The following TUBB4A variants were observed in gnomAD, a reference collection of about 807,000 sequenced individuals.
The protein encoded by TUBB4A is tubulin beta 4A class IVa, also known as tubulin beta-4A chain.
In TUBB4A, 13 loss-of-function variants were observed where a neutral mutation model predicts 35.1. That is an observed-to-expected ratio of 0.37 (90% confidence interval 0.24 to 0.59). The LOEUF (loss-of-function observed/expected upper bound fraction) is 0.59. Among genes scored for constraint, TUBB4A ranks in the 20% least tolerant of loss-of-function variants. The pLI, the probability that TUBB4A is intolerant of heterozygous loss-of-function variation, is 0.71. For missense variants in TUBB4A, 299 were observed against 647.2 expected, an observed-to-expected ratio of 0.46 and a Z score of 5.84; for synonymous variants, 279 against 272.4, an observed-to-expected ratio of 1.02 and a Z score of -0.24.
upstream of TUBB4A, chr19:6,502,622 C>T (rs1429515856): frequency 1.1e-5 from 2 of 189,560 alleles, no homozygotes; most frequent in Non-Finnish European, 2.1e-5. Flanking sequence ...GGTAAACAGG[C>T]ATCTGAGAAG....
chr19:6,500,258 A>G (rs1385189329), intron 3 of TUBB4A, among the ~76,000 whole-genome samples: 2 of 152,110 alleles, frequency 1.3e-5, no homozygotes, highest in African/African-American at 4.8e-5. Context: ...CCTCACGAGT[A>G]GCTGTGACTA....
Position 6,502,137 on chromosome 19 carries a change from G to A in TUBB4A, c.57+19C>T, listed in dbSNP as rs778788335. ...CCCCGGGGCCGCCACTGCCTCCCCG[G>A]GCCCCGTTCCCCGAGCACCTTGGCC... On this transcript the variant is annotated intron_variant, in intron 1 of 3. Transcript: ENST00000264071. The A allele has an allele frequency of 1.2e-5, 18 of 1,556,368 alleles. No individual in the cohort carries two copies. Among genetic ancestry groups the A allele is most frequent in the Non-Finnish European group, 1.5e-5 (17 of 1,160,120 alleles).
chr19:6,501,454 G>A lies in TUBB4A; in HGVS notation c.167-57C>T. The A allele has an allele frequency of 1.2e-6, 2 of 1,601,160 alleles. No individual in the cohort carries two copies. The highest frequency in any genetic ancestry group is 2.2e-5 in the East Asian group (1 of 44,718). ...GCGTGCCAGGAACCACAGGCGCCCG[G>A]TAGCATCCTGTTCCCTCCCAGCTGC... On this transcript the variant is annotated intron_variant, in intron 2 of 3. Transcript: ENST00000264071. This position sits in a 1 kb window ranked among gnomAD's most constrained non-coding sequence, Gnocchi z 4.2.
At chr19:6,497,702 G>A (rs576738921) in intron 3 of TUBB4A, among the ~76,000 whole-genome samples, 28 of 152,008 alleles carry the variant, frequency 1.8e-4, no homozygotes, top group African/African-American at 6.7e-4. Flanking sequence ...GGGAGGCCGA[G>A]GCGGGCAGAT....
intron 3 of TUBB4A, among the ~76,000 whole-genome samples, chr19:6,498,136 A>G (rs1599410702): frequency 7.6e-6 from 1 of 132,062 alleles, no homozygotes; most frequent in Non-Finnish European, 1.6e-5. Flanking sequence ...GCGTGAACCC[A>G]GGAGGTGGAG....
intron 3 of TUBB4A, 118 bp from the exon 4 acceptor site, chr19:6,496,339 A>G: frequency 9.7e-7 from 1 of 1,029,926 alleles, no homozygotes; most frequent in Non-Finnish European, 1.4e-6. Flanking sequence ...ATCAAAAATA[A>G]TAACAAATAG....
rs1028448981 is a variant in TUBB4A, at chr19:6,495,061, C to G, written c.*103G>C. The G allele has an allele frequency of 7.1e-7, 1 of 1,402,556 alleles. No individual in the cohort carries two copies. The highest frequency in any genetic ancestry group is 2.4e-5 in the East Asian group (1 of 41,582). The allele number at this position is 1,402,556 out of a possible 1,614,324, so 86.9% of individuals were successfully genotyped here. A position where few individuals can be genotyped will look rare whatever the true frequency, so the allele number is the denominator to read the frequency against. ...GGTATTGTTAGGGTCAGCGGGGAGT[C>G]AGCCTTGGAGGGAAAGCGGGGCTCT... On this transcript the variant is annotated 3_prime_UTR_variant, in exon 4 of 4. Transcript: ENST00000264071. This position sits in a 1 kb window ranked among gnomAD's most constrained non-coding sequence, Gnocchi z 8.7.
intron 1 of TUBB4A, 22 bp downstream of exon 1, chr19:6,502,134 C>G (rs1914564015): frequency 6.4e-7 from 1 of 1,553,534 alleles, no homozygotes; most frequent in Non-Finnish European, 8.6e-7. Flanking sequence ...CACTGCCTCC[C>G]CGGGCCCCGT....
intron 3 of TUBB4A, among the ~76,000 whole-genome samples, chr19:6,498,327 C>A (rs1255901208): frequency 6.6e-6 from 1 of 152,174 alleles, no homozygotes; most frequent in South Asian, 2.1e-4. Flanking sequence ...CATCACCCTC[C>A]TGGATAAGTT....
At chr19:6,500,154 G>A (rs1202173983) in intron 3 of TUBB4A, among the ~76,000 whole-genome samples, 1 of 151,918 alleles carries the variant, frequency 6.6e-6, no homozygotes, top group Non-Finnish European at 1.5e-5. Context: ...TTAGAGATGG[G>A]GTCTCACACC....
At chr19:6,497,024 AATATATATATATATATAT>A (rs1192524805) in intron 3 of TUBB4A, among the ~76,000 whole-genome samples, 368 of 22,002 alleles carry the variant, frequency 0.017, 13 homozygotes, top group Middle Eastern at 0.071. Context: ...AAAAAAAAAA[AATATATATATATATATAT>A]ATATATATAT....
intron 3 of TUBB4A, among the ~76,000 whole-genome samples, chr19:6,497,898 CA>C (rs1179837262): frequency 1.6e-3 from 69 of 42,250 alleles, no homozygotes; most frequent in African/African-American, 4.3e-3. Context: ...GACTCCGTCT[CA>C]AAAAAAAAAA....
At position 6,494,863 on chromosome 19, in the gene TUBB4A, T is replaced by G; in HGVS notation, c.*301A>C. ...TCAAAGGTGAAGCAGAAGTCAGGGG[T>G]GAAGGAAGGTCTGCAAAGTTAAAGG... On this transcript the variant is annotated 3_prime_UTR_variant, in exon 4 of 4. Coordinates refer to ENST00000264071, the MANE Select transcript of TUBB4A (RefSeq NM_006087.4). 2.0e-6 allele frequency: 1 copy of G among 492,074 alleles called. No homozygotes were observed. Among genetic ancestry groups the G allele is most frequent in the Non-Finnish European group, 3.7e-6 (1 of 271,644 alleles). 30.5% of individuals were successfully genotyped at this position (492,074 alleles called of 1,614,324 possible).
In TUBB4A at chr19:6,502,177, G is replaced by C. The variant is rs754780863; in HGVS notation, c.36C>G (p.Cys12Trp). 1 of 1,575,982 alleles carries C rather than the reference G, an allele frequency of 6.3e-7. No individual in the cohort carries two copies. Among genetic ancestry groups the C allele is most frequent in the Non-Finnish European group, 8.6e-7 (1 of 1,169,078 alleles). ...GCACCTTGGCCCCGATCTGGTTGCC[G>C]CACTGGCCGGCCTGCAGGTGCACGA... ...REIVHLQAGQ[C>W]GNQIGAKFWE... The change falls in exon 1 of 4, where the codon TGC becomes TGG. Residue 12 changes from cysteine (C) to tryptophan (W), a missense_variant. Transcript: ENST00000264071.
Position 6,501,088 on chromosome 19 carries a change from CCTT to C in TUBB4A, c.277+196_277+198del. The C allele has an allele frequency of 1.8e-6, 1 of 550,994 alleles. No individual in the cohort carries two copies. The highest frequency in any genetic ancestry group is 3.2e-6 in the Non-Finnish European group (1 of 311,228). 34.1% of individuals were successfully genotyped at this position (550,994 alleles called of 1,614,324 possible). ...CTCCTCCAGGAAGACTTCCCTGAAT[CCTT>C]CTCTGTATCCGCCCTCCTCAGGGCT... On this transcript the variant is annotated intron_variant, in intron 3 of 3. Coordinates refer to ENST00000264071, the MANE Select transcript of TUBB4A (RefSeq NM_006087.4). The surrounding 1 kb of genome is among the most constrained non-coding windows in gnomAD (Gnocchi z 4.2).
chr19:6,495,542 G>A lies in TUBB4A; in HGVS notation c.957C>T (p.Gly319=). The A allele has an allele frequency of 1.9e-6, 3 of 1,614,152 alleles. No homozygotes were observed. The highest frequency in any genetic ancestry group is 2.5e-6 in the Non-Finnish European group (3 of 1,180,008). ...CGTCCACCTCCTTCATGGACATGCGGCCCCGGAACACGGCGGCCACGGTCA... is the reference window on the plus strand; with the variant it reads ...CGTCCACCTCCTTCATGGACATGCGACCCCGGAACACGGCGGCCACGGTCA... The part of the protein sequence containing the change: ...RYLTVAAVFR[G]RMSMKEVDEQ... Residue 319 remains glycine (G), a synonymous_variant, in exon 4 of 4, where the codon GGC becomes GGT. Coordinates refer to ENST00000264071, the MANE Select transcript of TUBB4A (RefSeq NM_006087.4). The surrounding 1 kb of genome is among the most constrained non-coding windows in gnomAD (Gnocchi z 8.7).
rs1349868252 is a variant in TUBB4A at position 6,495,305 on chromosome 19, G to A, written c.1194C>T (p.Tyr398=). Residue 398 remains tyrosine, a synonymous_variant, in exon 4 of 4, where the codon TAC becomes TAT. Coordinates refer to ENST00000264071, the MANE Select transcript of TUBB4A (RefSeq NM_006087.4). This position sits in a 1 kb window ranked among gnomAD's most constrained non-coding sequence, Gnocchi z 8.7. ...MFRRKAFLHW[Y]TGEGMDEMEF... is the part of the protein sequence containing the mutation. ...CCATCTCGTCCATGCCCTCGCCCGTGTACCAGTGCAAGAAGGCCTTGCGCC... is the reference window on the plus strand; with the variant it reads ...CCATCTCGTCCATGCCCTCGCCCGTATACCAGTGCAAGAAGGCCTTGCGCC... The A allele has an allele frequency of 6.2e-7, 1 of 1,613,664 alleles. No homozygotes were observed. Among genetic ancestry groups the A allele is most frequent in the Non-Finnish European group, 8.5e-7 (1 of 1,179,906 alleles).
Position 6,501,089 on chromosome 19 carries a change from C to A in TUBB4A, c.277+198G>T, listed in dbSNP as rs942235121. On this transcript the variant is annotated intron_variant, in intron 3 of 3. Transcript: ENST00000264071. The surrounding 1 kb of genome is among the most constrained non-coding windows in gnomAD (Gnocchi z 4.2). The stretch of plus-strand genomic sequence containing the variant: ...TCCTCCAGGAAGACTTCCCTGAATC[C>A]TTCTCTGTATCCGCCCTCCTCAGGG... 2.9e-5 allele frequency: 16 copies of A among 550,284 alleles called. No individual in the cohort carries two copies. The highest frequency in any genetic ancestry group is 4.8e-5 in the Non-Finnish European group (15 of 310,946). The allele number at this position is 550,284 out of a possible 1,614,324, so 34.1% of individuals were successfully genotyped here.
In TUBB4A at chr19:6,496,089, T is replaced by G; in HGVS notation, c.410A>C (p.His137Pro). 4 of 1,614,008 alleles carry G rather than the reference T, an allele frequency of 2.5e-6. No homozygotes were observed. Among genetic ancestry groups the G allele is most frequent in the Non-Finnish European group, 3.4e-6 (4 of 1,180,004 alleles). The change falls in exon 4 of 4, where the codon CAC becomes CCC. Residue 137 changes from histidine (H) to proline (P), a missense_variant. His to Pro is a moderately conservative substitution (Grantham distance 77). Coordinates refer to ENST00000264071, the MANE Select transcript of TUBB4A (RefSeq NM_006087.4). Reference protein sequence around the residue: ...CDCLQGFQLTHSLGGGTGSGM... With the variant: ...CDCLQGFQLTPSLGGGTGSGM... ...GGACCCCGTGCCACCCCCCAGCGAGTGGGTCAGCTGGAAGCCCTGAAGGCA... is the reference window on the plus strand; with the variant it reads ...GGACCCCGTGCCACCCCCCAGCGAGGGGGTCAGCTGGAAGCCCTGAAGGCA...
Sources: gnomAD v4.1 joint callset for allele counts (sites outside exome capture counted in the v4.1 genomes callset) on GRCh38, gnomAD v4.1.1 for gene constraint, Gnocchi (gnomAD v3.1) non-coding constraint, MANE v1.5 for transcripts, NCBI Gene and HGNC (gene_info 2026-07-23, HGNC 2026-07-21) for gene names.